The following C4orf51 variants were observed in gnomAD, a reference collection of about 807,000 sequenced individuals.
C4orf51 encodes uncharacterized protein C4orf51.
A neutral mutation model predicts 25.2 loss-of-function variants in C4orf51; 25 were observed. The ratio of observed to expected loss-of-function variants is 0.99; its 90% CI spans 0.72 to 1.39. The LOEUF is 1.39. Ranked by LOEUF, C4orf51 falls within the 40% of genes most tolerant of loss-of-function variation. The pLI, the probability that C4orf51 is intolerant of heterozygous loss-of-function variation, is 0.00. For missense variants in C4orf51, 252 were observed against 239.6 expected, an observed-to-expected ratio of 1.05 and a Z score of -0.34; for synonymous variants, 100 against 84.5, an observed-to-expected ratio of 1.18 and a Z score of -1.01.
In C4orf51 at chr4:145,763,591, AG is replaced by A. The variant is rs1734841899; in HGVS notation, n.167-7395del. On this transcript the variant is annotated intron_variant and non_coding_transcript_variant, in intron 1 of 1. Coordinates refer to the C4orf51 transcript ENST00000510096. The surrounding 1 kb of genome is among the most constrained non-coding windows in gnomAD (Gnocchi z 4.6). ...GGGGACTTTGGAGGTCCCTGAGGAAAGGCGAACTGGCAAAGCCACAACTGGC... is the reference window on the plus strand; with the variant it reads ...GGGGACTTTGGAGGTCCCTGAGGAAAGCGAACTGGCAAAGCCACAACTGGC... Among the ~76,000 whole-genome samples, 1 of 152,224 alleles carries A rather than the reference AG, an allele frequency of 6.6e-6. No individual in the cohort carries two copies. The highest frequency in any genetic ancestry group is 2.4e-5 in the African/African-American group (1 of 41,466).
At chr4:145,786,560 A>C in the C4orf51 span, among the ~76,000 whole-genome samples, 1 of 152,180 alleles carries the variant, frequency 6.6e-6, no homozygotes, top group African/African-American at 2.4e-5. Flanking sequence ...GAAATTCTGA[A>C]ATCCTCTGTA....
At chr4:145,750,189 T>A (rs1394791366) in intron 1 of C4orf51, among the ~76,000 whole-genome samples, 1 of 152,194 alleles carries the variant, frequency 6.6e-6, no homozygotes, top group Non-Finnish European at 1.5e-5. Flanking sequence ...ATATGCTGTT[T>A]TTTTTCTGTG....
intron 2 of C4orf51, among the ~76,000 whole-genome samples, chr4:145,701,554 CT>C (rs1730443210): frequency 6.6e-6 from 1 of 151,772 alleles, no homozygotes; most frequent in Non-Finnish European, 1.5e-5. Flanking sequence ...GGCTTAGCGG[CT>C]GAAGACTGAT....
Position 145,761,651 on chromosome 4 carries a change from C to A in C4orf51, n.167-9337C>A. On this transcript the variant is annotated intron_variant and non_coding_transcript_variant, in intron 1 of 1. Coordinates refer to the C4orf51 transcript ENST00000510096. The surrounding 1 kb of genome is among the most constrained non-coding windows in gnomAD (Gnocchi z 6.8). ...TTCAGCCGGGAAGGTTCGGAGGCAGCCGCGCTTCTCGCCGCCTCACCAGCC... is the reference window on the plus strand; with the variant it reads ...TTCAGCCGGGAAGGTTCGGAGGCAGACGCGCTTCTCGCCGCCTCACCAGCC... 2 of 1,114,994 alleles carry A rather than the reference C, an allele frequency of 1.8e-6. No individual in the cohort carries two copies. The highest frequency in any genetic ancestry group is 3.0e-5 in the South Asian group (2 of 67,484). 69.1% of individuals were successfully genotyped at this position (1,114,994 alleles called of 1,614,324 possible).
chr4:145,688,154 T>A (rs1729292554), intron 1 of C4orf51, among the ~76,000 whole-genome samples: 1 of 149,160 alleles, frequency 6.7e-6, no homozygotes, highest in Admixed American at 6.7e-5. Context: ...TGAGCCATGA[T>A]TGTACCACTG....
chr4:145,730,866 G>C (rs1422004309), intron 5 of C4orf51, among the ~76,000 whole-genome samples: 1 of 152,222 alleles, frequency 6.6e-6, no homozygotes, highest in African/African-American at 2.4e-5. Context: ...GAGAGGGTTG[G>C]ATGACCCACG....
Position 145,729,875 on chromosome 4 carries a change from C to T in C4orf51, c.428-17C>T, listed in dbSNP as rs1361271429. 6.2e-7 allele frequency: 1 copy of T among 1,607,480 alleles called. No individual in the cohort carries two copies. The highest frequency in any genetic ancestry group is 1.3e-5 in the African/African-American group (1 of 74,902). ...TTTATCGCAAACACTCACACATTGG[C>T]TATCTCTTCACCCTAGGTGTGAGAC... is the stretch of plus-strand genomic sequence containing the variant. On this transcript the variant is annotated splice_polypyrimidine_tract_variant and intron_variant, in intron 4 of 5. Coordinates refer to ENST00000438731, the MANE Select transcript of C4orf51 (RefSeq NM_001080531.3).
At chr4:145,715,434 A>G in intron 2 of C4orf51, among the ~76,000 whole-genome samples, 1 of 151,826 alleles carries the variant, frequency 6.6e-6, no homozygotes, top group African/African-American at 2.4e-5. Flanking sequence ...CTATTCTCTC[A>G]CTTCTTCCCG....
chr4:145,715,887 T>C (rs1731383808), intron 2 of C4orf51, among the ~76,000 whole-genome samples: 1 of 152,202 alleles, frequency 6.6e-6, no homozygotes, highest in African/African-American at 2.4e-5. Context: ...TCCCAGAATG[T>C]AACTTCCCAG....
At position 145,717,828 on chromosome 4, in the gene C4orf51, G is replaced by C. The variant is rs541761881; in HGVS notation, c.308-9083G>C. Among the ~76,000 whole-genome samples, 29 of 152,278 alleles carry C rather than the reference G, an allele frequency of 1.9e-4. 1 individual carries two copies. The highest frequency in any genetic ancestry group is 2.9e-4 in the Non-Finnish European group (20 of 68,022). Reference sequence around the variant, plus strand: ...GATTTGGTTGTAGCTTTTCTGACCTGATTCCCTTCTATATCATATGCTCAG... The same window carrying C: ...GATTTGGTTGTAGCTTTTCTGACCTCATTCCCTTCTATATCATATGCTCAG... On this transcript the variant is annotated intron_variant, in intron 2 of 5. Coordinates refer to ENST00000438731, the MANE Select transcript of C4orf51 (RefSeq NM_001080531.3).
chr4:145,707,249 A>G (rs1488867899), intron 2 of C4orf51, among the ~76,000 whole-genome samples: 1 of 152,140 alleles, frequency 6.6e-6, no homozygotes, highest in Non-Finnish European at 1.5e-5. Flanking sequence ...CATATAAGAT[A>G]CTTTTTTATA....
the C4orf51 span, among the ~76,000 whole-genome samples, chr4:145,779,075 T>C: frequency 6.6e-6 from 1 of 152,328 alleles, no homozygotes; most frequent in East Asian, 1.9e-4. Context: ...CCCCCTGTCC[T>C]TCACTTTCAA....
chr4:145,774,203 T>C (rs895077697), downstream of C4orf51, among the ~76,000 whole-genome samples: 6 of 152,140 alleles, frequency 3.9e-5, no homozygotes, highest in African/African-American at 1.2e-4. Flanking sequence ...GACTGGGGCA[T>C]TGAAAGACTG....
downstream of C4orf51, among the ~76,000 whole-genome samples, chr4:145,734,463 C>A (rs1295648782): frequency 1.3e-5 from 2 of 152,118 alleles, no homozygotes; most frequent in Non-Finnish European, 2.9e-5. Context: ...TCATATACAG[C>A]AAGGAAGATT....
the C4orf51 span, among the ~76,000 whole-genome samples, chr4:145,780,265 T>C: frequency 6.6e-6 from 1 of 152,152 alleles, no homozygotes; most frequent in Non-Finnish European, 1.5e-5. Flanking sequence ...AAATAAATGG[T>C]CCTATCCCTT....
chr4:145,765,190 G>C lies in C4orf51; in HGVS notation n.167-5798G>C. The C allele has an allele frequency of 6.3e-7, 1 of 1,578,262 alleles. No homozygotes were observed. The highest frequency in any genetic ancestry group is 1.2e-5 in the South Asian group (1 of 83,818). On this transcript the variant is annotated intron_variant and non_coding_transcript_variant, in intron 1 of 1. Coordinates refer to the C4orf51 transcript ENST00000510096. This position sits in a 1 kb window ranked among gnomAD's most constrained non-coding sequence, Gnocchi z 4.7. ...CCTGCAAGGACCGAAGCTGGGTATA[G>C]AGGTGCACAGGGCAGCGGGGAGAGG...
intron 2 of C4orf51, 74 bp from the exon 3 acceptor site, chr4:145,726,837 C>A: frequency 2.4e-6 from 3 of 1,225,142 alleles, no homozygotes; most frequent in South Asian, 1.2e-5. Context: ...GTGGTAATAG[C>A]CTAATTGGAA....
chr4:145,715,242 G>T (rs2126735326), intron 2 of C4orf51, among the ~76,000 whole-genome samples: 1 of 152,294 alleles, frequency 6.6e-6, no homozygotes, highest in Non-Finnish European at 1.5e-5. Context: ...CAGTAATTGG[G>T]ATCCATGGCT....
chr4:145,768,735 G>A (rs1735709788), intron 1 of C4orf51, among the ~76,000 whole-genome samples: 1 of 149,144 alleles, frequency 6.7e-6, no homozygotes, highest in South Asian at 2.2e-4. Flanking sequence ...GCATATGCCT[G>A]TAATCCCAGC....
Sources: gnomAD v4.1 joint callset for allele counts (sites outside exome capture counted in the v4.1 genomes callset) on GRCh38, gnomAD v4.1.1 for gene constraint, Gnocchi (gnomAD v3.1) non-coding constraint, MANE v1.5 for transcripts, NCBI Gene and HGNC (gene_info 2026-07-23, HGNC 2026-07-21) for gene names.